Variants in PRR16 observed in about 807,000 individuals in gnomAD.
The protein encoded by PRR16 is proline rich 16, also known as protein Largen.
A neutral mutation model predicts 18.2 loss-of-function variants in PRR16; 6 were observed. That is an observed-to-expected ratio of 0.33 (90% confidence interval 0.18 to 0.65). The LOEUF (loss-of-function observed/expected upper bound fraction) is 0.65. Among genes scored for constraint, PRR16 ranks in the 30% least tolerant of loss-of-function variants. The pLI, the probability that PRR16 is intolerant of heterozygous loss-of-function variation, is 0.74. For missense variants in PRR16, 412 were observed against 376.6 expected (o/e 1.09, Z -0.78); for synonymous variants, 151 against 147.8 (o/e 1.02, Z -0.16).
At chr5:120,735,974 A>T in the PRR16 span, among the ~76,000 whole-genome samples, 2 of 152,162 alleles carry the variant, frequency 1.3e-5, no homozygotes, top group Admixed American at 6.5e-5. Flanking sequence ...TTTTAAATCA[A>T]TTGTGAATTA....
At chr5:120,667,921 G>A (rs1209395456) in intron 1 of PRR16, among the ~76,000 whole-genome samples, 2 of 152,132 alleles carry the variant, frequency 1.3e-5, no homozygotes, top group African/African-American at 2.4e-5. Flanking sequence ...TGAAAAAAAT[G>A]TATATTCTGT....
intron 1 of PRR16, among the ~76,000 whole-genome samples, chr5:120,684,407 A>G (rs1303684339): frequency 6.6e-6 from 1 of 152,156 alleles, no homozygotes; most frequent in East Asian, 1.9e-4. Flanking sequence ...TTTTGAGCCC[A>G]ATCCTGCCAC....
the PRR16 span, among the ~76,000 whole-genome samples, chr5:120,748,977 A>G: frequency 6.6e-6 from 1 of 151,998 alleles, no homozygotes; most frequent in Admixed American, 6.6e-5. Flanking sequence ...AAACAATTTT[A>G]CTCCTGCTGA....
At chr5:120,560,368 TG>T (rs749226329) in intron 1 of PRR16, among the ~76,000 whole-genome samples, 3 of 151,976 alleles carry the variant, frequency 2.0e-5, no homozygotes, top group Non-Finnish European at 4.4e-5. Flanking sequence ...TTTTATAAAA[TG>T]TTTTTTTCAG....
chr5:120,569,882 T>A (rs1466276409), intron 1 of PRR16, among the ~76,000 whole-genome samples: 1 of 151,994 alleles, frequency 6.6e-6, no homozygotes, highest in Non-Finnish European at 1.5e-5. Context: ...AAATTAGGGA[T>A]AAAATGAAAT....
chr5:120,642,763 T>C (rs1001648134), intron 1 of PRR16, among the ~76,000 whole-genome samples: 1 of 152,090 alleles, frequency 6.6e-6, no homozygotes, highest in Non-Finnish European at 1.5e-5. Context: ...CATCATCTGT[T>C]CCATGTCACA....
chr5:120,744,882 A>T, the PRR16 span, among the ~76,000 whole-genome samples: 1 of 152,166 alleles, frequency 6.6e-6, no homozygotes, highest in Non-Finnish European at 1.5e-5. Context: ...ACTAGATATA[A>T]AACTAGTTGG....
the PRR16 span, among the ~76,000 whole-genome samples, chr5:120,712,378 A>C: frequency 6.6e-6 from 1 of 152,084 alleles, no homozygotes; most frequent in South Asian, 2.1e-4. Context: ...TTTGACCTAC[A>C]GCTATACGTT....
At chr5:120,488,261 G>C (rs1041614726) in intron 1 of PRR16, among the ~76,000 whole-genome samples, 1 of 152,150 alleles carries the variant, frequency 6.6e-6, no homozygotes, top group African/African-American at 2.4e-5. Context: ...GAATTCGGCT[G>C]TGAATCCATC....
intron 1 of PRR16, among the ~76,000 whole-genome samples, chr5:120,655,538 A>G (rs1755940067): frequency 2.0e-5 from 3 of 151,988 alleles, no homozygotes; most frequent in East Asian, 3.9e-4. Flanking sequence ...TAGTTTGACA[A>G]TATCTGATAA....
intron 1 of PRR16, among the ~76,000 whole-genome samples, chr5:120,639,057 C>A (rs1309500784): frequency 6.6e-6 from 1 of 152,022 alleles, no homozygotes; most frequent in African/African-American, 2.4e-5. Flanking sequence ...TATGTAGTGA[C>A]TTAATATAGA....
the PRR16 span, among the ~76,000 whole-genome samples, chr5:120,791,258 C>T: frequency 1.3e-5 from 2 of 152,018 alleles, no homozygotes; most frequent in Admixed American, 6.6e-5. Context: ...TAATTCAGAA[C>T]TAATGGAAGA....
intron 1 of PRR16, among the ~76,000 whole-genome samples, chr5:120,656,028 G>A (rs1755963850): frequency 1.3e-5 from 2 of 151,720 alleles, no homozygotes; most frequent in Admixed American, 1.3e-4. Context: ...GCCACCAGGT[G>A]GTGCCAAATT....
At chr5:120,556,355 G>A (rs111890160) in intron 1 of PRR16, among the ~76,000 whole-genome samples, 2,001 of 150,718 alleles carry the variant, frequency 0.013, 49 homozygotes, top group African/African-American at 0.046. Context: ...GGCTTTTTGG[G>A]GTGCAGTCTT....
intron 1 of PRR16, among the ~76,000 whole-genome samples, chr5:120,511,987 C>G (rs969093442): frequency 6.6e-6 from 1 of 152,160 alleles, no homozygotes; most frequent in African/African-American, 2.4e-5. Context: ...CTAAGCTCCA[C>G]AGTTAAATTA....
chr5:120,791,009 A>C, the PRR16 span, among the ~76,000 whole-genome samples: 11 of 152,332 alleles, frequency 7.2e-5, no homozygotes, highest in African/African-American at 2.4e-4. Flanking sequence ...AAAACCAAGA[A>C]GTCAAATACA....
intron 1 of PRR16, among the ~76,000 whole-genome samples, chr5:120,638,098 G>A (rs1282425141): frequency 6.6e-6 from 1 of 152,076 alleles, no homozygotes; most frequent in Admixed American, 6.6e-5. Context: ...CAAATAGCCT[G>A]GAGGTAATGC....
the PRR16 span, among the ~76,000 whole-genome samples, chr5:120,762,602 A>G: frequency 6.6e-6 from 1 of 152,134 alleles, no homozygotes; most frequent in Admixed American, 6.6e-5. Flanking sequence ...AGAAATGTCT[A>G]TACAGGTTCT....
chr5:120,688,534 T>A (rs1189927473), downstream of PRR16, among the ~76,000 whole-genome samples: 1 of 152,196 alleles, frequency 6.6e-6, no homozygotes, highest in Admixed American at 6.5e-5. Flanking sequence ...ATGCATTTAG[T>A]CTTGATATAA....
Sources: allele counts gnomAD v4.1 joint callset (sites outside exome capture counted in the v4.1 genomes callset), GRCh38; gene constraint gnomAD v4.1.1; transcripts MANE v1.5; gene names NCBI Gene and HGNC (gene_info 2026-07-23, HGNC 2026-07-21).